Variants in OR13A1 observed in about 807,000 individuals in gnomAD.
OR13A1 encodes olfactory receptor family 13 subfamily A member 1.
OR13A1 carries 10 observed loss-of-function variants against 7.5 expected under a neutral mutation model. That is an observed-to-expected ratio of 1.34 (90% CI 0.83 to 2.27). The LOEUF (loss-of-function observed/expected upper bound fraction) is 2.27. OR13A1 is among the 30% of genes most tolerant of loss of function. The pLI, the probability that OR13A1 is intolerant of heterozygous loss-of-function variation, is 0.00. For missense variants in OR13A1, 509 were observed against 419.1 expected (o/e 1.21, Z -1.87); for synonymous variants, 238 against 177.9 (o/e 1.34, Z -2.69).
Position 45,304,354 on chromosome 10 carries a change from G to C in OR13A1, c.69C>G (p.Asn23Lys), listed in dbSNP as rs780757020. 1.8e-5 allele frequency: 29 copies of C among 1,614,086 alleles called. No homozygotes were observed. Among genetic ancestry groups the C allele is most frequent in the Non-Finnish European group, 2.3e-5 (27 of 1,179,988 alleles). The change falls in exon 4 of 4, where the codon AAC (asparagine) becomes AAG (lysine). Residue 23 changes from asparagine to lysine, a missense_variant. Transcript: ENST00000553795. ...ETRPSPRMMS[N>K]QTLVTEFILQ... The stretch of plus-strand genomic sequence containing the variant: ...GGATGAACTCGGTTACCAACGTCTG[G>C]TTACTCATCATCCTTGGGCTGGGAC...
chr10:45,305,147 A>T (rs1018942145), intron 3 of OR13A1, among the ~76,000 whole-genome samples: 1 of 152,080 alleles, frequency 6.6e-6, no homozygotes, highest in Admixed American at 6.6e-5. Context: ...AGGCAGGAGA[A>T]TCGCTTGAAC....
At chr10:45,312,249 A>G (rs944892421) in intron 1 of OR13A1, among the ~76,000 whole-genome samples, 3 of 152,134 alleles carry the variant, frequency 2.0e-5, no homozygotes, top group African/African-American at 7.2e-5. Flanking sequence ...CTACAGACTT[A>G]ATAAGCTCAA....
chr10:45,304,219 C>G lies in OR13A1; in HGVS notation c.204G>C (p.Thr68=). 5 of 1,614,144 alleles carry G rather than the reference C, an allele frequency of 3.1e-6. No individual in the cohort carries two copies. Among genetic ancestry groups the G allele is most frequent in the Non-Finnish European group, 4.2e-6 (5 of 1,180,022 alleles). The change falls in exon 4 of 4, where the codon ACG becomes ACC. Residue 68 remains threonine, a synonymous_variant. Coordinates refer to ENST00000553795, the MANE Select transcript of OR13A1 (RefSeq NM_001004297.3). The stretch of plus-strand genomic sequence containing the variant: ...TAGGAGCGTGGAGCCCAGGGTTGAA[C>G]GTGATGGCCAAGGTGATGAGGACAT... The part of the protein sequence containing the change: ...TGNVLITLAI[T]FNPGLHAPMY...
intron 1 of OR13A1, among the ~76,000 whole-genome samples, chr10:45,311,927 T>C (rs1838454567): frequency 6.6e-6 from 1 of 152,110 alleles, no homozygotes; most frequent in Non-Finnish European, 1.5e-5. Context: ...ACAAAGAAGA[T>C]ATAAAAAGAT....
chr10:45,302,981 A>T lies in OR13A1; in HGVS notation c.*455T>A, dbSNP rs1838238374. On this transcript the variant is annotated 3_prime_UTR_variant, in exon 4 of 4. Transcript: ENST00000553795. Reference sequence around the variant, plus strand: ...GAAGGTTTCCTAGAGGCCAGTGGTCACCTTAAAACAAAGCTTCAGTCTGAC... The same window carrying T: ...GAAGGTTTCCTAGAGGCCAGTGGTCTCCTTAAAACAAAGCTTCAGTCTGAC... 5.1e-5 allele frequency: 8 copies of T among 155,964 alleles called. No homozygotes were observed. In the Admixed American group the frequency reaches 5.2e-4, roughly 10 times the overall value. 9.7% of individuals were successfully genotyped at this position (155,964 alleles called of 1,614,324 possible).
intron 1 of OR13A1, among the ~76,000 whole-genome samples, chr10:45,310,535 G>C (rs903928797): frequency 6.6e-6 from 1 of 152,228 alleles, no homozygotes; most frequent in Admixed American, 6.5e-5. Context: ...ACAGGCAAAA[G>C]TTTAGTTACA....
chr10:45,310,572 TG>T (rs1307301369), intron 1 of OR13A1, among the ~76,000 whole-genome samples: 3 of 152,134 alleles, frequency 2.0e-5, no homozygotes, highest in Admixed American at 2.0e-4. Flanking sequence ...CCAGGGAAGC[TG>T]GGAAATGTGG....
chr10:45,311,694 TAGG>T (rs1396627403), intron 1 of OR13A1, among the ~76,000 whole-genome samples: 1 of 151,528 alleles, frequency 6.6e-6, no homozygotes, highest in Non-Finnish European at 1.5e-5. Flanking sequence ...AGTTGGAGGG[TAGG>T]AGAAGGGAGA....
At chr10:45,305,788 C>T (rs555438160) in intron 3 of OR13A1, among the ~76,000 whole-genome samples, 2 of 152,306 alleles carry the variant, frequency 1.3e-5, no homozygotes, top group South Asian at 2.1e-4. Context: ...GGGACATAAT[C>T]AGCCCCCTCT....
At chr10:45,308,155 G>T (rs552917517) in intron 1 of OR13A1, among the ~76,000 whole-genome samples, 1 of 152,278 alleles carries the variant, frequency 6.6e-6, no homozygotes, top group African/African-American at 2.4e-5. Context: ...TTGTAGACAT[G>T]CTTCAAGAAC....
At chr10:45,312,500 A>G (rs1160877358) in intron 1 of OR13A1, among the ~76,000 whole-genome samples, 3 of 151,948 alleles carry the variant, frequency 2.0e-5, no homozygotes, top group African/African-American at 7.2e-5. Flanking sequence ...CACTAAAAAT[A>G]CCTTCTGAAA....
chr10:45,302,673 G>A lies in OR13A1; in HGVS notation c.*763C>T, dbSNP rs571670365. On this transcript the variant is annotated 3_prime_UTR_variant, in exon 4 of 4. Coordinates refer to ENST00000553795, the MANE Select transcript of OR13A1 (RefSeq NM_001004297.3). ...AGTTTTGTAATAGCATGGAGCACAA[G>A]CACAAGACCTGTCTTTATTAGACAC... 9 of 152,236 alleles carry A rather than the reference G, an allele frequency of 5.9e-5. No homozygotes were observed. The highest frequency in any genetic ancestry group is 2.1e-4 in the South Asian group (1 of 4,822). The allele number at this position is 152,236 out of a possible 1,614,324, so 9.4% of individuals were successfully genotyped here.
rs751228628 is a variant in OR13A1 at position 45,303,396 on chromosome 10, A to C, written c.*40T>G. ...AAACTTGCTCATCAGACTCCACTAA[A>C]ACTGCAGTCTCCAAGGACAAAAACT... On this transcript the variant is annotated 3_prime_UTR_variant, in exon 4 of 4. Transcript: ENST00000553795. The C allele has an allele frequency of 1.9e-6, 3 of 1,541,746 alleles. No homozygotes were observed. In the Admixed American group the frequency reaches 6.1e-5, roughly 31 times the overall value.
chr10:45,307,282 A>G (rs766074510), intron 3 of OR13A1, 144 bp downstream of exon 3: 7 of 152,280 alleles, frequency 4.6e-5, no homozygotes, highest in Non-Finnish European at 8.8e-5. Flanking sequence ...AACCTTAAAC[A>G]CAATCTCTCT....
chr10:45,309,267 C>T (rs1010020961), intron 1 of OR13A1, among the ~76,000 whole-genome samples: 23 of 152,072 alleles, frequency 1.5e-4, no homozygotes, highest in African/African-American at 5.3e-4. Context: ...CCATGGAAGG[C>T]GAGGCATGGA....
intron 3 of OR13A1, among the ~76,000 whole-genome samples, chr10:45,305,278 T>A (rs181659390): frequency 2.2e-3 from 333 of 151,452 alleles, no homozygotes; most frequent in African/African-American, 7.4e-3. Context: ...TGAAAAAAAA[T>A]TTAAAATAAT....
intron 3 of OR13A1, 30 bp from the exon 4 acceptor site, chr10:45,304,464 G>A (rs374879284): frequency 6.1e-5 from 96 of 1,569,302 alleles, no homozygotes; most frequent in Non-Finnish European, 7.9e-5. Flanking sequence ...GTGTCCTGAG[G>A]AAGGCTGCTC....
Position 45,304,299 on chromosome 10 carries a change from G to A in OR13A1, c.124C>T (p.Arg42Trp), listed in dbSNP as rs754279785. 5 of 1,614,114 alleles carry A rather than the reference G, an allele frequency of 3.1e-6. No individual in the cohort carries two copies. Among genetic ancestry groups the A allele is most frequent in the Middle Eastern group, 3.3e-4 (2 of 6,060 alleles). ...AGGAAACAGCTGAATAAGAACACCC[G>A]GTATTCTGGGTGCTCCGAAAAGCCC... ...LQGFSEHPEYRVFLFSCFLFL... is the reference protein window; with the variant it reads ...LQGFSEHPEYWVFLFSCFLFL... Residue 42 changes from arginine (R) to tryptophan (W), a missense_variant, in exon 4 of 4, where the codon CGG (arginine) becomes TGG (tryptophan). Physicochemically the swap from Arg to Trp is moderately radical, Grantham distance 101 (BLOSUM62 -3). Coordinates refer to ENST00000553795, the MANE Select transcript of OR13A1 (RefSeq NM_001004297.3).
chr10:45,315,313 CA>C (rs974689966), intron 1 of OR13A1, among the ~76,000 whole-genome samples: 24 of 147,522 alleles, frequency 1.6e-4, no homozygotes, highest in African/African-American at 5.5e-4. Flanking sequence ...GATTTCATCT[CA>C]AAAAAAAAGA....
Sources: gnomAD v4.1 joint callset for allele counts (sites outside exome capture counted in the v4.1 genomes callset) on GRCh38, gnomAD v4.1.1 for gene constraint, MANE v1.5 for transcripts, NCBI Gene and HGNC (gene_info 2026-07-23, HGNC 2026-07-21) for gene names.